ZNF624: variants seen among roughly 807,000 people sequenced by gnomAD.
ZNF624 encodes zinc finger protein 624.
Under a neutral mutation model 74.7 loss-of-function variants are expected in ZNF624, and 43 were observed. The observed-to-expected ratio is 0.58, with a 90% confidence interval of 0.45 to 0.74. The LOEUF (loss-of-function observed/expected upper bound fraction) is 0.74. Ranked by LOEUF, ZNF624 falls within the 30% of genes least tolerant of loss-of-function variation. The probability of loss-of-function intolerance (pLI) is 0.00; values close to 1 mark genes in which losing one functional copy is unlikely to be tolerated. For missense variants in ZNF624, 820 were observed against 1,030.0 expected, an observed-to-expected ratio of 0.80 and a Z score of 2.79; for synonymous variants, 331 against 341.3, an observed-to-expected ratio of 0.97 and a Z score of 0.33.
At chr17:16,645,842 C>G (rs914924261) in intron 3 of ZNF624, among the ~76,000 whole-genome samples, 1 of 147,438 alleles carries the variant, frequency 6.8e-6, no homozygotes, top group African/African-American at 2.5e-5. Context: ...ATCCCGGCTA[C>G]TCGGGAGGCT....
the ZNF624 span, among the ~76,000 whole-genome samples, chr17:16,615,220 C>T: frequency 6.6e-6 from 1 of 152,184 alleles, no homozygotes; most frequent in Non-Finnish European, 1.5e-5. Flanking sequence ...GCCTCAGCCT[C>T]CTGAGTAGCT....
At chr17:16,617,995 T>C, downstream of ZNF624, 1 of 640,808 alleles carries the variant, frequency 1.6e-6, no homozygotes, top group Non-Finnish European at 2.8e-6. Flanking sequence ...CACACCATAG[T>C]GGCGGCCGAG....
At chr17:16,631,794 A>C (rs1303830037) in intron 5 of ZNF624, 4 of 152,230 alleles carry the variant, frequency 2.6e-5, no homozygotes, top group Admixed American at 6.5e-5. Flanking sequence ...AAGAAAACAC[A>C]AAAAACCAGT....
chr17:16,617,523 C>G (rs1908814271), downstream of ZNF624: 1 of 1,585,610 alleles, frequency 6.3e-7, no homozygotes, highest in African/African-American at 1.3e-5. Flanking sequence ...TCCAACTGCA[C>G]AGACTAGAAA....
chr17:16,635,043 G>A (rs1318028090), intron 3 of ZNF624, among the ~76,000 whole-genome samples: 6 of 152,230 alleles, frequency 3.9e-5, no homozygotes, highest in Non-Finnish European at 8.8e-5. Context: ...TATATTATCT[G>A]GAGTCAAACA....
chr17:16,633,960 G>T lies in ZNF624; in HGVS notation c.281-3C>A. The T allele has an allele frequency of 1.2e-6, 2 of 1,611,268 alleles. No homozygotes were observed. Among genetic ancestry groups the T allele is most frequent in the Non-Finnish European group, 1.7e-6 (2 of 1,178,334 alleles). On this transcript the variant is annotated splice_polypyrimidine_tract_variant and splice_region_variant and intron_variant, in intron 4 of 5. Transcript: ENST00000311331. ...GTCTGGTTTGGAAACTGCAAGCCCT[G>T]TCCAGAGAAAAATAAATAGGATTTG...
At chr17:16,615,254 C>T in the ZNF624 span, among the ~76,000 whole-genome samples, 1 of 152,126 alleles carries the variant, frequency 6.6e-6, no homozygotes. Flanking sequence ...CCCACCACCA[C>T]GCCCGGCTAA....
At chr17:16,634,050 G>T in intron 4 of ZNF624, 93 bp from the exon 5 acceptor site, 1 of 965,080 alleles carries the variant, frequency 1.0e-6, no homozygotes, top group Non-Finnish European at 1.6e-6. Flanking sequence ...TGGGCAGAAT[G>T]ACCATTACAG....
chr17:16,629,018 C>T (rs947543247), intron 5 of ZNF624, among the ~76,000 whole-genome samples: 3 of 151,500 alleles, frequency 2.0e-5, no homozygotes, highest in African/African-American at 7.3e-5. Flanking sequence ...GCCAATGTGG[C>T]GAGACCCCAT....
In ZNF624 at chr17:16,633,899, C is replaced by T; in HGVS notation, c.339G>A (p.Trp113Ter). The T allele has an allele frequency of 6.2e-7, 1 of 1,613,696 alleles. No individual in the cohort carries two copies. The highest frequency in any genetic ancestry group is 8.5e-7 in the Non-Finnish European group (1 of 1,179,726). Residue 113 changes from tryptophan to a stop codon, truncating the protein, a stop_gained, in exon 5 of 6, where the codon TGG becomes TGA. Transcript: ENST00000311331. LOFTEE classifies it high-confidence loss of function. ...ISHLENGKGP[W>*]VTVREISRIP... The stretch of plus-strand genomic sequence containing the variant: ...TTCTTGAAATTTCTCTCACCGTCAC[C>T]CATGGTCCTTTCCCATTCTCCAAAT...
chr17:16,624,255 G>C lies in ZNF624; in HGVS notation c.631C>G (p.Pro211Ala), dbSNP rs755711318. The C allele has an allele frequency of 3.7e-6, 6 of 1,614,068 alleles. No individual in the cohort carries two copies. In the South Asian group the frequency reaches 6.6e-5, roughly 18 times the overall value. The change falls in exon 6 of 6, where the codon CCA (proline) becomes GCA (alanine). Residue 211 changes from proline (P) to alanine (A), a missense_variant. Transcript: ENST00000311331. ...TCTTCTGTGGCAATGCCTGGTTCTG[G>C]AATAAGAATAGATTCAAATCTAAAG... Reference protein sequence around the residue: ...RGFRFESILIPEPGIATEELH... With the variant: ...RGFRFESILIAEPGIATEELH...
chr17:16,621,622 C>T lies in ZNF624; in HGVS notation c.*666G>A, dbSNP rs1319329312. On this transcript the variant is annotated 3_prime_UTR_variant, in exon 6 of 6. Transcript: ENST00000311331. ...ACTGAGCATTTCAATTTGCATTTCC[C>T]TGAGTGCTTTTTAGGTTCAAAATAT... 6.6e-6 allele frequency: 1 copy of T among 152,164 alleles called. No individual in the cohort carries two copies. The highest frequency in any genetic ancestry group is 2.4e-5 in the African/African-American group (1 of 41,436). 9.4% of individuals were successfully genotyped at this position (152,164 alleles called of 1,614,324 possible).
Position 16,624,216 on chromosome 17 carries a change from A to G in ZNF624, c.670T>C (p.Cys224Arg), listed in dbSNP as rs145240821. 17,473 of 1,614,156 alleles carry G rather than the reference A, an allele frequency of 0.011. 125 individuals carry two copies. The highest frequency in any genetic ancestry group is 0.013 in the Non-Finnish European group (14,848 of 1,180,014). The change falls in exon 6 of 6, where the codon TGC becomes CGC. Residue 224 changes from cysteine (C) to arginine (R), a missense_variant. By Grantham distance (180) the Cys-to-Arg change is radical (BLOSUM62 -3). Transcript: ENST00000311331. Reference protein sequence around the residue: ...GIATEELHSRCQTQEENFTEN... With the variant: ...GIATEELHSRRQTQEENFTEN... ...GTGAAATTTTCCTCTTGTGTTTGGC[A>G]TCTGCTGTGAAGCTCTTCTGTGGCA...
In ZNF624 at chr17:16,649,656, A is replaced by G. The variant is rs1374040324; in HGVS notation, c.87+2T>C. ...GGTCAAAAACAGGGAATCCCAACTTACCAGGCGTCCAACTGAGAAAAACAC... is the reference window on the plus strand; with the variant it reads ...GGTCAAAAACAGGGAATCCCAACTTGCCAGGCGTCCAACTGAGAAAAACAC... On this transcript the variant is annotated splice_donor_variant, in intron 2 of 5. Transcript: ENST00000311331. LOFTEE classifies it high-confidence loss of function. 1.2e-6 allele frequency: 2 copies of G among 1,613,756 alleles called. No homozygotes were observed. The highest frequency in any genetic ancestry group is 1.7e-6 in the Non-Finnish European group (2 of 1,179,792).
At chr17:16,652,114 C>T (rs765865374) in intron 1 of ZNF624, among the ~76,000 whole-genome samples, 24 of 152,012 alleles carry the variant, frequency 1.6e-4, no homozygotes, top group Admixed American at 3.9e-4. Flanking sequence ...CTGATCTCAC[C>T]ACTACACAAT....
At chr17:16,637,314 G>A (rs981963562) in intron 3 of ZNF624, among the ~76,000 whole-genome samples, 2 of 152,126 alleles carry the variant, frequency 1.3e-5, no homozygotes, top group African/African-American at 2.4e-5. Context: ...TAGATTCAAC[G>A]CCACCCCCAT....
At chr17:16,644,671 A>G (rs1447866526) in intron 3 of ZNF624, among the ~76,000 whole-genome samples, 2 of 152,256 alleles carry the variant, frequency 1.3e-5, no homozygotes, top group African/African-American at 4.8e-5. Context: ...AAATTAGCTT[A>G]TACTGAGAAA....
At chr17:16,626,472 G>C (rs938703954) in intron 5 of ZNF624, among the ~76,000 whole-genome samples, 6 of 152,132 alleles carry the variant, frequency 3.9e-5, no homozygotes, top group Non-Finnish European at 1.5e-5. Context: ...AAGCTATAAG[G>C]CTGGGTGTGG....
At chr17:16,650,360 T>G (rs958999932) in intron 1 of ZNF624, among the ~76,000 whole-genome samples, 4 of 151,810 alleles carry the variant, frequency 2.6e-5, no homozygotes, top group African/African-American at 9.7e-5. Flanking sequence ...GATATTCAAA[T>G]AGATCTTTAT....
Sources: gnomAD v4.1 joint callset for allele counts (sites outside exome capture counted in the v4.1 genomes callset) on GRCh38, gnomAD v4.1.1 for gene constraint, MANE v1.5 for transcripts, NCBI Gene and HGNC (gene_info 2026-07-23, HGNC 2026-07-21) for gene names.